Variants in APOLD1 observed in about 807,000 individuals in gnomAD.
APOLD1 encodes apolipoprotein L domain-containing protein 1.
A neutral mutation model predicts 15.3 loss-of-function variants in APOLD1; 22 were observed. The ratio of observed to expected loss-of-function variants is 1.44; its 90% confidence interval spans 1.03 to 2.05. The LOEUF is 2.05. APOLD1 is among the 30% of genes most tolerant of loss of function. The pLI, the probability that APOLD1 is intolerant of heterozygous loss-of-function variation, is 0.00. For missense variants in APOLD1, 394 were observed against 353.5 expected, an observed-to-expected ratio of 1.11 and a Z score of -0.92; for synonymous variants, 190 against 167.4, an observed-to-expected ratio of 1.13 and a Z score of -1.04.
At position 12,787,672 on chromosome 12, in the gene APOLD1, T is replaced by C. The variant is rs370707709; in HGVS notation, c.*20T>C. On this transcript the variant is annotated 3_prime_UTR_variant, in exon 2 of 2. Transcript: ENST00000356591. The surrounding 1 kb of genome is among the most constrained non-coding windows in gnomAD (Gnocchi z 4.9). ...TTCTGAGAACATCCTTTCCCCCTAA[T>C]GACCGAGGCCAGCAAATCATCCTCA... 1 of 1,559,416 alleles carries C rather than the reference T, an allele frequency of 6.4e-7. No individual in the cohort carries two copies. The highest frequency in any genetic ancestry group is 8.6e-7 in the Non-Finnish European group (1 of 1,157,318).
At chr12:12,777,007 A>G (rs1384424341) in intron 1 of APOLD1, among the ~76,000 whole-genome samples, 1 of 152,256 alleles carries the variant, frequency 6.6e-6, no homozygotes, top group Non-Finnish European at 1.5e-5. Flanking sequence ...TGCACTGTAT[A>G]TAATAAACTC....
chr12:12,757,009 A>T (rs1024033252), intron 1 of APOLD1, among the ~76,000 whole-genome samples: 1 of 151,896 alleles, frequency 6.6e-6, no homozygotes, highest in African/African-American at 2.4e-5. Context: ...CTAGTCTCAA[A>T]CTCCTGACCT....
At chr12:12,757,929 T>G (rs186737444) in intron 1 of APOLD1, among the ~76,000 whole-genome samples, 1 of 150,144 alleles carries the variant, frequency 6.7e-6, no homozygotes, top group African/African-American at 2.5e-5. Flanking sequence ...AAGCAACTAA[T>G]TCAATATCTT....
At chr12:12,777,786 T>A (rs536352609) in intron 1 of APOLD1, among the ~76,000 whole-genome samples, 2 of 151,648 alleles carry the variant, frequency 1.3e-5, no homozygotes, top group South Asian at 4.2e-4. Context: ...TGTATCCAGA[T>A]GGAGACGGCA....
At chr12:12,755,761 A>C (rs1212749339) in intron 1 of APOLD1, among the ~76,000 whole-genome samples, 1 of 152,236 alleles carries the variant, frequency 6.6e-6, no homozygotes, top group East Asian at 1.9e-4. Context: ...GGATCACTTG[A>C]GGCCAAGAGG....
At chr12:12,772,781 ATG>A (rs1291402938) in intron 1 of APOLD1, among the ~76,000 whole-genome samples, 1 of 152,272 alleles carries the variant, frequency 6.6e-6, no homozygotes, top group African/African-American at 2.4e-5. Context: ...AAATAATGTA[ATG>A]TCTACTCTCA....
At chr12:12,754,710 C>T (rs995525587) in intron 1 of APOLD1, among the ~76,000 whole-genome samples, 4 of 151,922 alleles carry the variant, frequency 2.6e-5, no homozygotes, top group Admixed American at 1.3e-4. Flanking sequence ...GGATTACAGG[C>T]GTGAGTCACC....
intron 1 of APOLD1, among the ~76,000 whole-genome samples, chr12:12,773,325 G>A (rs928099840): frequency 3.9e-5 from 6 of 152,116 alleles, no homozygotes; most frequent in Non-Finnish European, 7.4e-5. Flanking sequence ...CTTTGGGAGG[G>A]TGAAGTGGGA....
chr12:12,748,186 T>C (rs1946780640), intron 1 of APOLD1, among the ~76,000 whole-genome samples: 1 of 152,250 alleles, frequency 6.6e-6, no homozygotes, highest in African/African-American at 2.4e-5. Flanking sequence ...AAATATCTGC[T>C]GTTTTTAAAC....
At chr12:12,775,768 G>A (rs984994995) in intron 1 of APOLD1, among the ~76,000 whole-genome samples, 7 of 152,084 alleles carry the variant, frequency 4.6e-5, no homozygotes, top group Admixed American at 3.3e-4. Context: ...TGGAGACCAA[G>A]GCGAGAGGAT....
At chr12:12,736,815 A>G (rs761844069) in intron 1 of APOLD1, among the ~76,000 whole-genome samples, 6 of 152,180 alleles carry the variant, frequency 3.9e-5, no homozygotes, top group Non-Finnish European at 7.3e-5. Context: ...CACAAGTGGT[A>G]TATCTGAGGC....
intron 1 of APOLD1, chr12:12,771,513 A>G: frequency 2.0e-6 from 1 of 507,410 alleles, no homozygotes; most frequent in Non-Finnish European, 3.9e-6. Context: ...AGAGATGTTA[A>G]TTATCTCATT....
intron 1 of APOLD1, among the ~76,000 whole-genome samples, chr12:12,760,572 G>A (rs1346974266): frequency 6.6e-6 from 1 of 150,974 alleles, no homozygotes; most frequent in African/African-American, 2.4e-5. Context: ...CTGGGAGGCA[G>A]AGGTTGCAGT....
chr12:12,754,918 A>C (rs1946845370), intron 1 of APOLD1, among the ~76,000 whole-genome samples: 1 of 150,928 alleles, frequency 6.6e-6, no homozygotes, highest in Non-Finnish European at 1.5e-5. Context: ...ATGGTGGCAC[A>C]CACCTGTGGT....
At chr12:12,765,707 C>CA (rs1458345458) in intron 1 of APOLD1, among the ~76,000 whole-genome samples, 1 of 152,086 alleles carries the variant, frequency 6.6e-6, no homozygotes, top group Non-Finnish European at 1.5e-5. Context: ...CCCATCTCTA[C>CA]AAAAAATCAA....
chr12:12,746,510 A>AATAC (rs1555089063), intron 1 of APOLD1, among the ~76,000 whole-genome samples: 51 of 149,952 alleles, frequency 3.4e-4, no homozygotes, highest in South Asian at 1.3e-3. Context: ...TAAATAAATA[A>AATAC]ATAAATACAT....
At chr12:12,759,099 A>C (rs1946879276) in intron 1 of APOLD1, among the ~76,000 whole-genome samples, 1 of 152,214 alleles carries the variant, frequency 6.6e-6, no homozygotes, top group African/African-American at 2.4e-5. Context: ...GCAGGATGGC[A>C]CGAGATTTCA....
chr12:12,746,582 T>C (rs552472845), intron 1 of APOLD1, among the ~76,000 whole-genome samples: 2 of 152,304 alleles, frequency 1.3e-5, no homozygotes, highest in African/African-American at 4.8e-5. Context: ...GTATGAACTC[T>C]GATGTCTTCA....
In APOLD1 at chr12:12,787,071, A is replaced by G. The variant is rs1348167021; in HGVS notation, c.166A>G (p.Asn56Asp). The change falls in exon 2 of 2, where the codon AAC becomes GAC. Residue 56 changes from asparagine (N) to aspartate (D), a missense_variant. Coordinates refer to ENST00000356591, the MANE Select transcript of APOLD1 (RefSeq NM_030817.3). The surrounding 1 kb of genome is among the most constrained non-coding windows in gnomAD (Gnocchi z 4.9). Reference protein sequence around the residue: ...ERLRRRSLVANVAGSSLSATG... With the variant: ...ERLRRRSLVADVAGSSLSATG... ...CCTGCGCAGGCGCTCCCTCGTAGCCAACGTGGCCGGCAGCTCGCTGAGCGC... is the reference window on the plus strand; with the variant it reads ...CCTGCGCAGGCGCTCCCTCGTAGCCGACGTGGCCGGCAGCTCGCTGAGCGC... 1 of 1,389,136 alleles carries G rather than the reference A, an allele frequency of 7.2e-7. No homozygotes were observed. The highest frequency in any genetic ancestry group is 3.7e-5 in the Admixed American group (1 of 27,358). 86.1% of individuals were successfully genotyped at this position (1,389,136 alleles called of 1,614,324 possible). A position where few individuals can be genotyped will look rare whatever the true frequency, so the allele number is the denominator to read the frequency against.
Sources: allele counts gnomAD v4.1 joint callset (sites outside exome capture counted in the v4.1 genomes callset), GRCh38; gene constraint gnomAD v4.1.1; non-coding constraint Gnocchi (gnomAD v3.1); transcripts MANE v1.5; gene names NCBI Gene and HGNC (gene_info 2026-07-23, HGNC 2026-07-21).